SIM2: variants seen among roughly 807,000 people sequenced by gnomAD.
SIM2 encodes the protein single-minded homolog 2.
In SIM2, 28 loss-of-function variants were observed where a neutral mutation model predicts 64.8. The ratio of observed to expected loss-of-function variants is 0.43; its 90% CI spans 0.32 to 0.59. The LOEUF is 0.59. Among genes scored for constraint, SIM2 ranks in the 20% least tolerant of loss-of-function variants. The pLI is 0.07. For synonymous variants in SIM2, 408 were observed against 391.1 expected, an observed-to-expected ratio of 1.04 and a Z score of -0.51; for missense variants, 847 against 871.4, an observed-to-expected ratio of 0.97 and a Z score of 0.35.
chr21:36,717,099 C>G (rs554307076), intron 3 of SIM2, among the ~76,000 whole-genome samples: 4 of 152,302 alleles, frequency 2.6e-5, no homozygotes, highest in Admixed American at 6.5e-5. Flanking sequence ...GAAAACCAAG[C>G]CTTTCATCTG....
At chr21:36,709,621 A>G (rs2088646962) in intron 2 of SIM2, 1 of 392,366 alleles carries the variant, frequency 2.5e-6, no homozygotes, top group Non-Finnish European at 4.9e-6. Context: ...AGCAGCAGAA[A>G]TGATTGGGCT....
In SIM2 at chr21:36,716,860, A is replaced by ATT. The variant is rs55850625; in HGVS notation, c.349-2948_349-2947dup. On this transcript the variant is annotated intron_variant, in intron 3 of 10. Transcript: ENST00000290399. ...AGGGAGTTTTATAGCGACAACCATAATTTTTTTTTTTTTTGTGAGGTAGTC... is the reference window on the plus strand; with the variant it reads ...AGGGAGTTTTATAGCGACAACCATAATTTTTTTTTTTTTTTTGTGAGGTAGTC... Among the ~76,000 whole-genome samples the ATT allele has an allele frequency of 5.0e-3, 745 of 148,100 alleles. 4 individuals are homozygous for ATT. Among genetic ancestry groups the ATT allele is most frequent in the African/African-American group, 0.015 (608 of 40,286 alleles).
chr21:36,747,992 C>T lies in SIM2; in HGVS notation c.1904C>T (p.Ala635Val), dbSNP rs2089257038. The T allele has an allele frequency of 5.5e-6, 6 of 1,084,206 alleles. No individual in the cohort carries two copies. The highest frequency in any genetic ancestry group is 4.1e-4 in the Middle Eastern group (1 of 2,420). The allele number at this position is 1,084,206 out of a possible 1,614,324, so 67.2% of individuals were successfully genotyped here. Residue 635 changes from alanine (A) to valine (V), a missense_variant, in exon 11 of 11, where the codon GCG (alanine) becomes GTG (valine). Around this residue, in one of 3 missense-constraint regions of SIM2, gnomAD observed 447 missense variants for 414.6 expected, o/e 1.08. Transcript: ENST00000290399. This position sits in a 1 kb window ranked among gnomAD's most constrained non-coding sequence, Gnocchi z 4.5. Reference protein sequence around the residue: ...APGGPEAATGALRLRHPSPAA... With the variant: ...APGGPEAATGVLRLRHPSPAA... ...GGCGGCCCCGAGGCGGCGACCGGCG[C>T]GCTGCGGCTCCGGCACCCGAGCCCC...
rs1305664584 is a variant in SIM2 at position 36,699,720 on chromosome 21, G to A, written c.-27G>A. ...CTCCGCGGGCCTGGAGCACGGCCGGGTCTAATATGCCCGGAGCCGAGGCGC... is the reference window on the plus strand; with the variant it reads ...CTCCGCGGGCCTGGAGCACGGCCGGATCTAATATGCCCGGAGCCGAGGCGC... On this transcript the variant is annotated 5_prime_UTR_variant, in exon 1 of 11. Coordinates refer to ENST00000290399, the MANE Select transcript of SIM2 (RefSeq NM_005069.6). The surrounding 1 kb of genome is among the most constrained non-coding windows in gnomAD (Gnocchi z 5.6). The A allele has an allele frequency of 1.9e-6, 3 of 1,607,874 alleles. No individual in the cohort carries two copies. The highest frequency in any genetic ancestry group is 2.7e-5 in the African/African-American group (2 of 74,230).
At chr21:36,724,457 T>G (rs1249979572) in intron 5 of SIM2, among the ~76,000 whole-genome samples, 1 of 152,166 alleles carries the variant, frequency 6.6e-6, no homozygotes, top group African/African-American at 2.4e-5. Context: ...TTTTAAAATT[T>G]TTTGTGGAGA....
At chr21:36,712,117 G>A (rs991556267) in intron 2 of SIM2, among the ~76,000 whole-genome samples, 23 of 152,118 alleles carry the variant, frequency 1.5e-4, no homozygotes, top group African/African-American at 5.6e-4. Flanking sequence ...ATGTCCTAGT[G>A]GTATAAATGA....
chr21:36,740,009 G>GAGAAAGAAAGAAAGAGAGAA (rs2089136708), intron 7 of SIM2, among the ~76,000 whole-genome samples: 1 of 131,234 alleles, frequency 7.6e-6, no homozygotes, highest in Non-Finnish European at 1.5e-5. Context: ...GAAAGAAAGA[G>GAGAAAGAAAGAAAGAGAGAA]AGAAAGAAAG....
At chr21:36,744,325 A>G (rs1232239275) in intron 9 of SIM2, among the ~76,000 whole-genome samples, 6 of 151,504 alleles carry the variant, frequency 4.0e-5, no homozygotes, top group Admixed American at 1.3e-4. Flanking sequence ...AAAAAAAAAA[A>G]AAAGAAAGAA....
intron 2 of SIM2, among the ~76,000 whole-genome samples, chr21:36,712,042 G>A: frequency 6.6e-6 from 1 of 152,170 alleles, no homozygotes; most frequent in East Asian, 1.9e-4. Flanking sequence ...GGCAGTGGTA[G>A]TGTTCGGAAT....
intron 1 of SIM2, among the ~76,000 whole-genome samples, chr21:36,708,030 G>T (rs961273660): frequency 5.3e-5 from 8 of 152,140 alleles, no homozygotes; most frequent in African/African-American, 1.9e-4. Context: ...CGCAGGGGTC[G>T]CAGCCAGGGG....
chr21:36,726,151 G>A lies in SIM2; in HGVS notation c.576G>A (p.Arg192=). 1.9e-6 allele frequency: 3 copies of A among 1,613,890 alleles called. No homozygotes were observed. Among genetic ancestry groups the A allele is most frequent in the Non-Finnish European group, 1.7e-6 (2 of 1,180,042 alleles). The change falls in exon 6 of 11, where the codon AGG becomes AGA. Residue 192 remains arginine (R), a synonymous_variant. Transcript: ENST00000290399. This position sits in a 1 kb window ranked among gnomAD's most constrained non-coding sequence, Gnocchi z 4.5. ...ACTGCAGTGGCTACTTGAAGATCAGGCAGTATATGCTGGACATGTCCCTGT... is the reference window on the plus strand; with the variant it reads ...ACTGCAGTGGCTACTTGAAGATCAGACAGTATATGCTGGACATGTCCCTGT... ...VIHCSGYLKI[R]QYMLDMSLYD... is the part of the protein sequence containing the mutation.
At position 36,747,647 on chromosome 21, in the gene SIM2, T is replaced by A; in HGVS notation, c.1577-18T>A. On this transcript the variant is annotated intron_variant, in intron 10 of 10. Transcript: ENST00000290399. This position sits in a 1 kb window ranked among gnomAD's most constrained non-coding sequence, Gnocchi z 4.5. ...CCGCGCCCCTTGCTGCCCTCTAACG[T>A]GTCGCCTGTCCCCGCAGCGCCCGCC... 8.1e-7 allele frequency: 1 copy of A among 1,235,776 alleles called. No homozygotes were observed. The highest frequency in any genetic ancestry group is 1.0e-6 in the Non-Finnish European group (1 of 990,576). 76.6% of individuals were successfully genotyped at this position (1,235,776 alleles called of 1,614,324 possible). A position where few individuals can be genotyped will look rare whatever the true frequency, so the allele number is the denominator to read the frequency against.
chr21:36,730,917 C>T (rs1470458549), intron 6 of SIM2, 128 bp from the exon 7 acceptor site: 6 of 662,334 alleles, frequency 9.1e-6, no homozygotes, highest in Non-Finnish European at 1.3e-5. Context: ...AGATCATTCT[C>T]AGTTTCCAAA....
chr21:36,726,058 A>G lies in SIM2; in HGVS notation c.544-61A>G. The G allele has an allele frequency of 2.2e-6, 3 of 1,362,396 alleles. No individual in the cohort carries two copies. The highest frequency in any genetic ancestry group is 3.1e-6 in the Non-Finnish European group (3 of 960,592). 84.4% of individuals were successfully genotyped at this position (1,362,396 alleles called of 1,614,324 possible). ...AGCATGTTTGAGAAAATGAGCCAGGAGGAGTGGGCTCCAGCCCAACCCCAG... is the reference window on the plus strand; with the variant it reads ...AGCATGTTTGAGAAAATGAGCCAGGGGGAGTGGGCTCCAGCCCAACCCCAG... On this transcript the variant is annotated intron_variant, in intron 5 of 10. Coordinates refer to ENST00000290399, the MANE Select transcript of SIM2 (RefSeq NM_005069.6). This position sits in a 1 kb window ranked among gnomAD's most constrained non-coding sequence, Gnocchi z 4.5.
chr21:36,735,413 T>C (rs187094933), intron 7 of SIM2, among the ~76,000 whole-genome samples: 2 of 152,354 alleles, frequency 1.3e-5, no homozygotes, highest in Admixed American at 1.3e-4. Context: ...CTGTCTGTCA[T>C]CTTTCCCTTG....
chr21:36,713,611 T>A (rs1396578506), intron 3 of SIM2, among the ~76,000 whole-genome samples: 1 of 152,254 alleles, frequency 6.6e-6, no homozygotes, highest in Non-Finnish European at 1.5e-5. Flanking sequence ...GAATTACACC[T>A]GCCTCCTAAT....
At chr21:36,743,305 C>A (rs962222415) in intron 8 of SIM2, 82 bp from the exon 9 acceptor site, 51 of 1,297,664 alleles carry the variant, frequency 3.9e-5, no homozygotes, top group Non-Finnish European at 5.3e-5. Flanking sequence ...ACTGAGAACG[C>A]CCTGCCCAAG....
At chr21:36,722,882 C>A (rs1372816161) in intron 4 of SIM2, among the ~76,000 whole-genome samples, 163 bp from the exon 5 acceptor site, 1 of 152,142 alleles carries the variant, frequency 6.6e-6, no homozygotes, top group African/African-American at 2.4e-5. Context: ...CACTGCCCCA[C>A]CCAGATCTCA....
chr21:36,701,589 G>A (rs1601681275), intron 1 of SIM2: 1 of 152,450 alleles, frequency 6.6e-6, no homozygotes, highest in African/African-American at 2.4e-5. Flanking sequence ...CTCGGGCGCA[G>A]CGGTCCTTCA....
Sources: allele counts gnomAD v4.1 joint callset (sites outside exome capture counted in the v4.1 genomes callset), GRCh38; gene constraint gnomAD v4.1.1; regional missense constraint gnomAD v4.1.1; non-coding constraint Gnocchi (gnomAD v3.1); transcripts MANE v1.5; gene names NCBI Gene and HGNC (gene_info 2026-07-23, HGNC 2026-07-21).